The following NCALD variants were observed in gnomAD, a reference collection of about 807,000 sequenced individuals.
NCALD encodes the protein neurocalcin-delta.
In NCALD, 10 loss-of-function variants were observed where a neutral mutation model predicts 18.6. The observed-to-expected ratio is 0.54, with a 90% CI of 0.33 to 0.91. NCALD has a LOEUF of 0.91. Ranked by LOEUF, NCALD falls within the 40% of genes least tolerant of loss-of-function variation. NCALD has a pLI of 0.03. For missense variants in NCALD, 184 were observed against 247.6 expected (o/e 0.74, Z 1.72); for synonymous variants, 88 against 87.4 (o/e 1.01, Z -0.04).
At chr8:102,084,928 G>T (rs1374302771) in intron 1 of NCALD, among the ~76,000 whole-genome samples, 1 of 152,204 alleles carries the variant, frequency 6.6e-6, no homozygotes, top group Non-Finnish European at 1.5e-5. Context: ...GGGGTGGGAA[G>T]AATAGAAGTT....
chr8:101,770,671 C>A (rs1347533851), intron 1 of NCALD, among the ~76,000 whole-genome samples: 1 of 152,156 alleles, frequency 6.6e-6, no homozygotes, highest in Non-Finnish European at 1.5e-5. Flanking sequence ...TGGCAAGTAG[C>A]ACAGACTTCC....
At chr8:102,013,224 C>G (rs1821966805) in intron 2 of NCALD, among the ~76,000 whole-genome samples, 1 of 152,100 alleles carries the variant, frequency 6.6e-6, no homozygotes, top group East Asian at 1.9e-4. Flanking sequence ...GTCTAGGTAC[C>G]TCCCCTTTTC....
chr8:101,867,188 C>T (rs1815806315), intron 4 of NCALD, among the ~76,000 whole-genome samples: 1 of 152,182 alleles, frequency 6.6e-6, no homozygotes, highest in Non-Finnish European at 1.5e-5. Flanking sequence ...TCTCAAAAGT[C>T]ACCTTCTCAA....
chr8:101,917,006 C>T (rs1006862778), intron 2 of NCALD, among the ~76,000 whole-genome samples: 14 of 152,196 alleles, frequency 9.2e-5, no homozygotes, highest in Middle Eastern at 3.4e-3. Flanking sequence ...AACTAACAGA[C>T]ATCTATAGAA....
rs577329982 is a variant in NCALD at position 101,738,964 on chromosome 8, G to T, written c.-19-19316C>A. Among the ~76,000 whole-genome samples the T allele has an allele frequency of 3.3e-5, 5 of 152,096 alleles. No individual in the cohort carries two copies. The South Asian group carries it at 1.0e-3, about 32-fold the overall frequency. On this transcript the variant is annotated intron_variant, in intron 1 of 3. Coordinates refer to ENST00000220931, the MANE Select transcript of NCALD (RefSeq NM_032041.3). ...ACCTCCCTCCACTTGAGCTTCACTT[G>T]TCTCTTTCCTCAAACTTGCCTGGCA...
chr8:101,734,504 G>T (rs1165979484), intron 1 of NCALD, among the ~76,000 whole-genome samples: 1 of 152,216 alleles, frequency 6.6e-6, no homozygotes, highest in Admixed American at 6.5e-5. Flanking sequence ...CGCCATTCCT[G>T]ACAGATGCTT....
intron 2 of NCALD, among the ~76,000 whole-genome samples, chr8:101,921,564 G>C (rs896666073): frequency 3.3e-5 from 5 of 152,122 alleles, no homozygotes; most frequent in Admixed American, 2.6e-4. Context: ...ATTGAATACT[G>C]TTAAAGCAGA....
At chr8:102,086,260 T>C (rs1205315768) in intron 1 of NCALD, among the ~76,000 whole-genome samples, 4 of 152,162 alleles carry the variant, frequency 2.6e-5, no homozygotes, top group Non-Finnish European at 4.4e-5. Flanking sequence ...TGGAAAAATA[T>C]ATGGAATTAC....
chr8:101,956,908 T>G (rs1008682242), intron 2 of NCALD, among the ~76,000 whole-genome samples: 11 of 152,164 alleles, frequency 7.2e-5, no homozygotes, highest in African/African-American at 2.7e-4. Flanking sequence ...GTTTACAATT[T>G]AATAAAATAT....
chr8:101,711,395 G>A (rs987002644), intron 2 of NCALD, among the ~76,000 whole-genome samples: 8 of 152,018 alleles, frequency 5.3e-5, no homozygotes, highest in Non-Finnish European at 1.0e-4. Context: ...GCGGGCAAGG[G>A]AATAAAACTG....
intron 2 of NCALD, among the ~76,000 whole-genome samples, chr8:101,916,815 A>G (rs1211618620): frequency 6.6e-6 from 1 of 152,168 alleles, no homozygotes. Flanking sequence ...TAACTATCCT[A>G]AATATATATG....
chr8:101,870,901 C>A (rs1241451127), intron 4 of NCALD, among the ~76,000 whole-genome samples: 21 of 76,148 alleles, frequency 2.8e-4, no homozygotes, highest in East Asian at 1.1e-3. Flanking sequence ...GCCCCCACCC[C>A]CCCCCCCCAA....
At chr8:102,058,833 T>A (rs1823745062) in intron 1 of NCALD, among the ~76,000 whole-genome samples, 1 of 152,214 alleles carries the variant, frequency 6.6e-6, no homozygotes, top group Non-Finnish European at 1.5e-5. Flanking sequence ...CATAGGTTTT[T>A]CAGGGTGGTC....
chr8:102,023,950 C>A (rs184878484), intron 1 of NCALD, among the ~76,000 whole-genome samples: 2 of 152,298 alleles, frequency 1.3e-5, no homozygotes, highest in African/African-American at 4.8e-5. Context: ...TGTGACATTA[C>A]ACAGAACTCC....
chr8:101,868,241 G>A (rs1197381465), intron 4 of NCALD, among the ~76,000 whole-genome samples: 1 of 152,014 alleles, frequency 6.6e-6, no homozygotes, highest in Non-Finnish European at 1.5e-5. Flanking sequence ...TTTTTTGTGT[G>A]TGCTCCTCCT....
At chr8:101,879,239 T>C (rs757194852) in intron 4 of NCALD, among the ~76,000 whole-genome samples, 10 of 152,208 alleles carry the variant, frequency 6.6e-5, no homozygotes, top group Non-Finnish European at 1.3e-4. Context: ...TGGACCCTCA[T>C]GGTGTTACAA....
chr8:101,887,190 C>T (rs1357639709), exon 4 of NCALD: 17 of 152,154 alleles, frequency 1.1e-4, no homozygotes, highest in South Asian at 6.2e-4. Context: ...CTCGGTATCA[C>T]GACAGATTTT....
intron 1 of NCALD, among the ~76,000 whole-genome samples, chr8:102,105,984 T>C (rs905735553): frequency 2.0e-5 from 3 of 152,020 alleles, no homozygotes; most frequent in Non-Finnish European, 4.4e-5. Flanking sequence ...ATGAGAGTAG[T>C]AGTCATTGCT....
At chr8:101,908,976 C>A (rs1286869517) in intron 3 of NCALD, among the ~76,000 whole-genome samples, 1 of 152,120 alleles carries the variant, frequency 6.6e-6, no homozygotes, top group Admixed American at 6.5e-5. Context: ...TCAAGAGATT[C>A]ATAGCAACCA....
Sources: allele counts gnomAD v4.1 joint callset (sites outside exome capture counted in the v4.1 genomes callset), GRCh38; gene constraint gnomAD v4.1.1; transcripts MANE v1.5; gene names NCBI Gene and HGNC (gene_info 2026-07-23, HGNC 2026-07-21).